GALNT2: variants seen among roughly 807,000 people sequenced by gnomAD.
GALNT2 encodes polypeptide N-acetylgalactosaminyltransferase 2.
A neutral mutation model predicts 81.4 loss-of-function variants in GALNT2; 31 were observed. That is an observed-to-expected ratio of 0.38 (90% CI 0.29 to 0.51). GALNT2 has a LOEUF of 0.51. Ranked by LOEUF, GALNT2 falls within the 20% of genes least tolerant of loss-of-function variation. The pLI is 0.87. For missense variants in GALNT2, 629 were observed against 765.7 expected, an observed-to-expected ratio of 0.82 and a Z score of 2.11; for synonymous variants, 303 against 287.4, an observed-to-expected ratio of 1.05 and a Z score of -0.55.
intron 11 of GALNT2, among the ~76,000 whole-genome samples, chr1:230,261,548 T>G (rs1011623510): frequency 2.0e-5 from 3 of 152,242 alleles, no homozygotes; most frequent in East Asian, 1.9e-4. Flanking sequence ...GTGTGCTTGC[T>G]ACTTCATGGA....
intron 1 of GALNT2, among the ~76,000 whole-genome samples, chr1:230,090,143 G>A (rs901156566): frequency 6.6e-6 from 1 of 152,052 alleles, no homozygotes; most frequent in African/African-American, 2.4e-5. Flanking sequence ...TTTGGATGAG[G>A]GAAAGTTTGA....
chr1:230,267,854 CTG>C lies in GALNT2; in HGVS notation c.1440+2491_1440+2492del, dbSNP rs563260779. Among the ~76,000 whole-genome samples the C allele has an allele frequency of 1.9e-3, 290 of 152,350 alleles. 1 individual carries two copies. The highest frequency in any genetic ancestry group is 6.2e-3 in the African/African-American group (259 of 41,580). ...CCTCCATCCAAGACCCTGCTGTTAACTGTGTTCTCAGTCACTGCTGGGAAGCG... is the reference window on the plus strand; with the variant it reads ...CCTCCATCCAAGACCCTGCTGTTAACTGTTCTCAGTCACTGCTGGGAAGCG... On this transcript the variant is annotated intron_variant, in intron 14 of 15. Coordinates refer to ENST00000366672, the MANE Select transcript of GALNT2 (RefSeq NM_004481.5).
At chr1:230,206,338 A>G (rs772821760) in intron 3 of GALNT2, among the ~76,000 whole-genome samples, 1 of 151,946 alleles carries the variant, frequency 6.6e-6, no homozygotes, top group East Asian at 1.9e-4. Context: ...TATTCATCCC[A>G]CAGTGTGGGA....
At chr1:230,112,879 T>C (rs1660745830) in intron 1 of GALNT2, among the ~76,000 whole-genome samples, 1 of 152,150 alleles carries the variant, frequency 6.6e-6, no homozygotes, top group Non-Finnish European at 1.5e-5. Context: ...GCAAGCATCT[T>C]TTCCAGTAAA....
intron 15 of GALNT2, among the ~76,000 whole-genome samples, chr1:230,276,192 T>G (rs1666305120): frequency 1.3e-5 from 2 of 152,078 alleles, no homozygotes; most frequent in South Asian, 2.1e-4. Context: ...TACACACAGT[T>G]TCTTTAAACA....
chr1:230,065,176 T>C (rs1350427675), upstream of GALNT2, among the ~76,000 whole-genome samples: 1 of 152,230 alleles, frequency 6.6e-6, no homozygotes, highest in Non-Finnish European at 1.5e-5. Context: ...CTCTTCTCTC[T>C]GAACCTTTTT....
chr1:230,136,534 C>G lies in GALNT2; in HGVS notation c.127-41684C>G, dbSNP rs1180644240. On this transcript the variant is annotated intron_variant, in intron 1 of 15. Coordinates refer to ENST00000366672, the MANE Select transcript of GALNT2 (RefSeq NM_004481.5). ...ATGCATGCACCCCCTCACTGCCCCC[C>G]ATCCAGAGCCACAGCCTGCCCTGTC... 2.0e-5 allele frequency among the ~76,000 whole-genome samples: 3 copies of G among 152,202 alleles called. No homozygotes were observed. In the South Asian group the frequency reaches 6.2e-4, roughly 32 times the overall value.
At chr1:230,229,087 A>G (rs966039172) in intron 3 of GALNT2, among the ~76,000 whole-genome samples, 16 of 152,230 alleles carry the variant, frequency 1.1e-4, no homozygotes, top group African/African-American at 3.9e-4. Flanking sequence ...TTTCCTGAAC[A>G]TTGTTACCCC....
intron 1 of GALNT2, among the ~76,000 whole-genome samples, chr1:230,102,765 T>C (rs926468520): frequency 6.6e-6 from 1 of 152,030 alleles, no homozygotes; most frequent in Non-Finnish European, 1.5e-5. Flanking sequence ...TAGCCATTGA[T>C]GGAAACAGAT....
chr1:230,247,331 C>G (rs1369364417), intron 8 of GALNT2, among the ~76,000 whole-genome samples: 1 of 152,242 alleles, frequency 6.6e-6, no homozygotes. Context: ...TTGGCCCCAC[C>G]TGCCTCTTGC....
intron 3 of GALNT2, among the ~76,000 whole-genome samples, chr1:230,233,469 C>T (rs182281013): frequency 8.5e-4 from 130 of 152,216 alleles, no homozygotes; most frequent in African/African-American, 2.9e-3. Flanking sequence ...AAAAATTAGC[C>T]AGGCATGGTG....
At chr1:230,115,194 C>A (rs1373693350) in intron 1 of GALNT2, among the ~76,000 whole-genome samples, 1 of 151,998 alleles carries the variant, frequency 6.6e-6, no homozygotes, top group African/African-American at 2.4e-5. Context: ...TTAGTAGAGA[C>A]AGGGTTTTAC....
intron 1 of GALNT2, among the ~76,000 whole-genome samples, chr1:230,168,005 G>A (rs1320463108): frequency 6.6e-6 from 1 of 151,418 alleles, no homozygotes; most frequent in Admixed American, 6.6e-5. Context: ...AGTCCAGTGT[G>A]CAGAAATTCT....
At chr1:230,180,296 C>CTT (rs56786141) in intron 2 of GALNT2, among the ~76,000 whole-genome samples, 1,720 of 70,632 alleles carry the variant, frequency 0.024, 278 homozygotes, top group African/African-American at 0.051. Flanking sequence ...TGTCTAGGTT[C>CTT]TTTTTTTTTT....
At chr1:230,173,621 TG>T (rs1347536690) in intron 1 of GALNT2, among the ~76,000 whole-genome samples, 1 of 152,190 alleles carries the variant, frequency 6.6e-6, no homozygotes, top group African/African-American at 2.4e-5. Flanking sequence ...AGTTTATACT[TG>T]TCACTAAAAA....
intron 3 of GALNT2, among the ~76,000 whole-genome samples, chr1:230,229,885 C>T (rs1347472614): frequency 6.6e-6 from 1 of 152,160 alleles, no homozygotes; most frequent in Non-Finnish European, 1.5e-5. Flanking sequence ...TTAAAATACA[C>T]ATAGTAACAA....
At chr1:230,187,663 G>A (rs972684644) in intron 2 of GALNT2, among the ~76,000 whole-genome samples, 1 of 152,214 alleles carries the variant, frequency 6.6e-6, no homozygotes, top group Non-Finnish European at 1.5e-5. Flanking sequence ...CGGTGTCCAG[G>A]AAGAATCAAG....
chr1:230,208,728 C>T (rs910825320), intron 3 of GALNT2, among the ~76,000 whole-genome samples: 7 of 152,146 alleles, frequency 4.6e-5, no homozygotes, highest in Non-Finnish European at 8.8e-5. Context: ...GGCTGTGTTC[C>T]CGTGATCAGG....
chr1:230,153,407 G>C (rs568134522), intron 1 of GALNT2, among the ~76,000 whole-genome samples: 36 of 152,314 alleles, frequency 2.4e-4, no homozygotes, highest in African/African-American at 8.4e-4. Context: ...TGGGGGGTCA[G>C]CCTTCAACAT....
Sources: gnomAD v4.1 joint callset for allele counts (sites outside exome capture counted in the v4.1 genomes callset) on GRCh38, gnomAD v4.1.1 for gene constraint, MANE v1.5 for transcripts, NCBI Gene and HGNC (gene_info 2026-07-23, HGNC 2026-07-21) for gene names.